Variants in AFM observed in about 807,000 individuals in gnomAD.
AFM encodes afamin, also known as alpha-Alb.
A neutral mutation model predicts 68.7 loss-of-function variants in AFM; 82 were observed. The observed-to-expected ratio is 1.19, with a 90% CI of 1.00 to 1.43. AFM has a LOEUF of 1.43. Ranked by LOEUF, AFM falls within the 40% of genes most tolerant of loss-of-function variation. The pLI, the probability that AFM is intolerant of heterozygous loss-of-function variation, is 0.00. For synonymous variants in AFM, 250 were observed against 234.2 expected, an observed-to-expected ratio of 1.07 and a Z score of -0.61; for missense variants, 772 against 701.8, an observed-to-expected ratio of 1.10 and a Z score of -1.13.
chr4:73,503,716 A>G (rs1483141811), intron 14 of AFM, among the ~76,000 whole-genome samples, 160 bp from the exon 15 acceptor site: 1 of 152,160 alleles, frequency 6.6e-6, no homozygotes, highest in Non-Finnish European at 1.5e-5. Context: ...ATACAGTGTC[A>G]GTGAAGAGAG....
chr4:73,481,959 C>A, intron 1 of AFM, 96 bp downstream of exon 1: 2 of 840,346 alleles, frequency 2.4e-6, no homozygotes, highest in Non-Finnish European at 3.8e-6. Flanking sequence ...TCTTTACTTG[C>A]TTTTTTCACC....
At chr4:73,503,276 A>G (rs1721468182) in intron 14 of AFM, among the ~76,000 whole-genome samples, 166 bp downstream of exon 14, 1 of 152,128 alleles carries the variant, frequency 6.6e-6, no homozygotes, top group Non-Finnish European at 1.5e-5. Flanking sequence ...TTTTCTGGGT[A>G]TCAGCCACTC....
At chr4:73,495,518 CT>C in intron 9 of AFM, 86 bp downstream of exon 9, 1 of 1,525,872 alleles carries the variant, frequency 6.6e-7, no homozygotes, top group Non-Finnish European at 8.8e-7. Flanking sequence ...TTGCTGCAGT[CT>C]GGGGGTAGAA....
At chr4:73,492,900 C>G (rs1457686920) in intron 8 of AFM, among the ~76,000 whole-genome samples, 1 of 136,476 alleles carries the variant, frequency 7.3e-6, no homozygotes, top group African/African-American at 2.7e-5. Context: ...TTTTTTTTAT[C>G]TCCTGGAAGC....
chr4:73,495,553 C>A, intron 9 of AFM, 121 bp downstream of exon 9: 2 of 1,222,772 alleles, frequency 1.6e-6, no homozygotes, highest in Non-Finnish European at 2.3e-6. Flanking sequence ...AATCTGAGTC[C>A]ACTGTAGATT....
intron 5 of AFM, 56 bp downstream of exon 5, chr4:73,487,155 C>T: frequency 6.3e-7 from 1 of 1,579,154 alleles, no homozygotes; most frequent in South Asian, 1.1e-5. Flanking sequence ...TACCACAGAT[C>T]CAGACCCTGA....
At chr4:73,495,245 T>G in intron 8 of AFM, 55 bp from the exon 9 acceptor site, 6 of 1,495,156 alleles carry the variant, frequency 4.0e-6, no homozygotes, top group Non-Finnish European at 5.4e-6. Flanking sequence ...AATAGTGGAA[T>G]TGGGTTTTTT....
In AFM at chr4:73,495,320, G is replaced by A. The variant is rs1721223882; in HGVS notation, c.1079G>A (p.Arg360Lys). The A allele has an allele frequency of 3.1e-6, 5 of 1,593,002 alleles. No homozygotes were observed. The highest frequency in any genetic ancestry group is 4.3e-6 in the Non-Finnish European group (5 of 1,174,678). ...TGCAGGTTTACTTTTGAATACTCAA[G>A]GAGACATCCAGACCTGTCTATACCA... ...FFAKFTFEYS[R>K]RHPDLSIPEL... The change falls in exon 9 of 15, where the codon AGG becomes AAG. Residue 360 changes from arginine (R) to lysine (K), a missense_variant. By Grantham distance (26) the Arg-to-Lys change is conservative (BLOSUM62 2). Transcript: ENST00000226355.
Position 73,495,299 on chromosome 4 carries a change from G to C in AFM, c.1059-1G>C. On this transcript the variant is annotated splice_acceptor_variant, in intron 8 of 14. Coordinates refer to ENST00000226355, the MANE Select transcript of AFM (RefSeq NM_001133.2). LOFTEE classifies it high-confidence loss of function. ...AATATACAAAATTTTACACATTGCA[G>C]GTTTACTTTTGAATACTCAAGGAGA... 1 of 1,574,654 alleles carries C rather than the reference G, an allele frequency of 6.4e-7. No homozygotes were observed. Among genetic ancestry groups the C allele is most frequent in the South Asian group, 1.2e-5 (1 of 83,810 alleles).
chr4:73,493,819 C>T (rs762721424), intron 8 of AFM, among the ~76,000 whole-genome samples: 1 of 152,112 alleles, frequency 6.6e-6, no homozygotes, highest in Non-Finnish European at 1.5e-5. Context: ...TAGATTGTAC[C>T]TGACATATGT....
Position 73,485,934 on chromosome 4 carries a change from A to G in AFM, c.343A>G (p.Ser115Gly), listed in dbSNP as rs900410893. The change falls in exon 4 of 15, where the codon AGT (serine) becomes GGT (glycine). Residue 115 changes from serine to glycine, a missense_variant. Transcript: ENST00000226355. The part of the protein sequence containing the change: ...PQKHNFSHCC[S>G]KVDAQRRLCF... ...AAAGCATAATTTCTCACACTGCTGC[A>G]GTAAGGTTGATGCTCAAAGAAGACT... 1 of 1,614,168 alleles carries G rather than the reference A, an allele frequency of 6.2e-7. No individual in the cohort carries two copies. The highest frequency in any genetic ancestry group is 8.5e-7 in the Non-Finnish European group (1 of 1,180,004).
chr4:73,499,367 G>T (rs1001124262), intron 11 of AFM, 121 bp downstream of exon 11: 3 of 1,078,084 alleles, frequency 2.8e-6, no homozygotes, highest in Non-Finnish European at 3.6e-6. Flanking sequence ...ATATTGTTAA[G>T]CAAAAATTGT....
chr4:73,499,161 A>C lies in AFM; in HGVS notation c.1337A>C (p.Glu446Ala). ...TKIAPQLSTE[E>A]LVSLGEKMVT... ...ATAGCTCCCCAACTCTCCACTGAAG[A>C]ACTGGTGTCTCTTGGCGAGAAAATG... is the stretch of plus-strand genomic sequence containing the variant. The change falls in exon 11 of 15, where the codon GAA (glutamate) becomes GCA (alanine). Residue 446 changes from glutamate to alanine, a missense_variant. Glu to Ala is a moderately radical substitution (Grantham distance 107). Transcript: ENST00000226355. 6.2e-7 allele frequency: 1 copy of C among 1,613,472 alleles called. No homozygotes were observed. Among genetic ancestry groups the C allele is most frequent in the Non-Finnish European group, 8.5e-7 (1 of 1,179,652 alleles).
chr4:73,499,292 A>AG, intron 11 of AFM, 46 bp downstream of exon 11: 2 of 1,390,624 alleles, frequency 1.4e-6, no homozygotes, highest in African/African-American at 3.4e-5. Flanking sequence ...TTTTTTTTTA[A>AG]AAAAAAGAAT....
In AFM at chr4:73,500,084, A is replaced by C; in HGVS notation, c.1503A>C (p.Thr501=). 1 of 1,614,100 alleles carries C rather than the reference A, an allele frequency of 6.2e-7. No homozygotes were observed. The highest frequency in any genetic ancestry group is 1.3e-5 in the African/African-American group (1 of 75,050). ...INPAVDHCCK[T]NFAFRRPCFE... The stretch of plus-strand genomic sequence containing the variant: ...CTGCTGTGGACCACTGCTGTAAAAC[A>C]AACTTTGCCTTCAGAAGGCCCTGCT... Residue 501 remains threonine (T), a synonymous_variant, in exon 12 of 15, where the codon ACA becomes ACC. Coordinates refer to ENST00000226355, the MANE Select transcript of AFM (RefSeq NM_001133.2).
chr4:73,485,043 A>G (rs116624744), intron 3 of AFM, among the ~76,000 whole-genome samples: 2,014 of 152,346 alleles, frequency 0.013, 18 homozygotes, highest in Non-Finnish European at 0.021. Context: ...TGCAGTATGT[A>G]TACAGTATGC....
intron 9 of AFM, among the ~76,000 whole-genome samples, chr4:73,495,748 T>C (rs1721237003): frequency 6.6e-6 from 1 of 152,232 alleles, no homozygotes; most frequent in Non-Finnish European, 1.5e-5. Flanking sequence ...TCAAAAGCAA[T>C]GATTGCTGTA....
Position 73,500,178 on chromosome 4 carries a change from G to C in AFM, c.1597G>C (p.Ala533Pro). ...PFSQDLFTFH[A>P]DMCQSQNEEL... ...CTCTCAAGATTTATTTACCTTTCACGCAGACATGTGTCAATCTCAGAATGA... is the reference window on the plus strand; with the variant it reads ...CTCTCAAGATTTATTTACCTTTCACCCAGACATGTGTCAATCTCAGAATGA... Residue 533 changes from alanine to proline, a missense_variant, in exon 12 of 15, where the codon GCA becomes CCA. Coordinates refer to ENST00000226355, the MANE Select transcript of AFM (RefSeq NM_001133.2). 1 of 1,613,728 alleles carries C rather than the reference G, an allele frequency of 6.2e-7. No homozygotes were observed. The highest frequency in any genetic ancestry group is 8.5e-7 in the Non-Finnish European group (1 of 1,179,882).
At chr4:73,494,116 C>T (rs1243846995) in intron 8 of AFM, among the ~76,000 whole-genome samples, 2 of 151,022 alleles carry the variant, frequency 1.3e-5, no homozygotes, top group African/African-American at 4.9e-5. Flanking sequence ...AGAAGAAGTC[C>T]ATGGCTTACA....
Sources: gnomAD v4.1 joint callset for allele counts (sites outside exome capture counted in the v4.1 genomes callset) on GRCh38, gnomAD v4.1.1 for gene constraint, MANE v1.5 for transcripts, NCBI Gene and HGNC (gene_info 2026-07-23, HGNC 2026-07-21) for gene names.